The following EFNA5 variants were observed in gnomAD, a reference collection of about 807,000 sequenced individuals.
The protein encoded by EFNA5 is ephrin-A5.
In EFNA5, 5 loss-of-function variants were observed where a neutral mutation model predicts 22.9. That is an observed-to-expected ratio of 0.22 (90% CI 0.11 to 0.46). EFNA5 has a LOEUF of 0.46. Among genes scored for constraint, EFNA5 ranks in the 20% least tolerant of loss-of-function variants. EFNA5 has a pLI of 0.99. For missense variants in EFNA5, 237 were observed against 293.3 expected (o/e 0.81, Z 1.40); for synonymous variants, 113 against 112.2 (o/e 1.01, Z -0.04).
chr5:107,556,941 T>C, intron 1 of EFNA5, among the ~76,000 whole-genome samples: 1 of 152,010 alleles, frequency 6.6e-6, no homozygotes, highest in Non-Finnish European at 1.5e-5. Context: ...TAAATTTTGA[T>C]CTCATTCAGG....
chr5:107,494,126 G>A (rs926656891), intron 1 of EFNA5, among the ~76,000 whole-genome samples: 1 of 152,220 alleles, frequency 6.6e-6, no homozygotes, highest in Admixed American at 6.5e-5. Context: ...TGCCTCCTCT[G>A]CCTGGGCTCC....
intron 2 of EFNA5, among the ~76,000 whole-genome samples, chr5:107,422,327 A>G (rs1748690522): frequency 6.6e-6 from 1 of 152,242 alleles, no homozygotes; most frequent in African/African-American, 2.4e-5. Context: ...GCAATGTAAT[A>G]CAGGGCAGAA....
rs1747569291 is a variant in EFNA5 at position 107,520,372 on chromosome 5, A to G, written c.126-92863T>C. On this transcript the variant is annotated intron_variant, in intron 1 of 4. Coordinates refer to ENST00000333274, the MANE Select transcript of EFNA5 (RefSeq NM_001962.3). ...TAAGAAAGAATTCAAGAAACCAGTT[A>G]CTAAGAAAATAAAAAACTAAAAAGG... Among the ~76,000 whole-genome samples the G allele has an allele frequency of 2.0e-5, 3 of 152,356 alleles. 1 individual carries two copies. The South Asian group carries it at 6.2e-4, about 32-fold the overall frequency.
chr5:107,451,394 C>A lies in EFNA5; in HGVS notation c.126-23885G>T, dbSNP rs532284705. On this transcript the variant is annotated intron_variant, in intron 1 of 4. Coordinates refer to ENST00000333274, the MANE Select transcript of EFNA5 (RefSeq NM_001962.3). ...GCAAGACTGTTCAAGTCATTAACTG[C>A]AAAAATTAGAATAAAAAATTTTTTC... 8.5e-5 allele frequency among the ~76,000 whole-genome samples: 13 copies of A among 152,080 alleles called. No homozygotes were observed. In the South Asian group the frequency reaches 2.3e-3, roughly 27 times the overall value.
intron 1 of EFNA5, among the ~76,000 whole-genome samples, chr5:107,589,930 G>GAA (rs370883998): frequency 5.3e-5 from 8 of 152,234 alleles, no homozygotes; most frequent in Non-Finnish European, 8.8e-5. Context: ...AACCCTGCCA[G>GAA]AAAAAGTGCT....
intron 1 of EFNA5, among the ~76,000 whole-genome samples, chr5:107,499,166 AAG>A (rs1343299176): frequency 6.6e-6 from 1 of 152,240 alleles, no homozygotes; most frequent in African/African-American, 2.4e-5. Context: ...ATGTCAAAAA[AAG>A]AGAAGAAAGA....
chr5:107,456,369 G>C (rs939087697), intron 1 of EFNA5, among the ~76,000 whole-genome samples: 1 of 152,136 alleles, frequency 6.6e-6, no homozygotes, highest in Non-Finnish European at 1.5e-5. Context: ...ATGTTAGGGT[G>C]GTGCAGATCA....
intron 2 of EFNA5, among the ~76,000 whole-genome samples, chr5:107,423,781 A>G (rs539855500): frequency 3.3e-5 from 5 of 152,222 alleles, no homozygotes; most frequent in South Asian, 2.1e-4. Flanking sequence ...ATCAGCAATT[A>G]TAACAACTTA....
intron 1 of EFNA5, among the ~76,000 whole-genome samples, chr5:107,661,819 T>C (rs888564068): frequency 2.6e-4 from 40 of 152,288 alleles, no homozygotes; most frequent in African/African-American, 8.4e-4. Flanking sequence ...ACATCAAGTA[T>C]CATGTCTGTC....
At chr5:107,422,800 G>T (rs1018924346) in intron 2 of EFNA5, among the ~76,000 whole-genome samples, 4 of 152,182 alleles carry the variant, frequency 2.6e-5, no homozygotes, top group Admixed American at 2.6e-4. Context: ...GAGCTCTGAG[G>T]CTGTGAGGCA....
chr5:107,448,546 C>A (rs1195558239), intron 1 of EFNA5, among the ~76,000 whole-genome samples: 4 of 151,978 alleles, frequency 2.6e-5, no homozygotes, highest in African/African-American at 9.7e-5. Context: ...AAATAATCCC[C>A]AGGGCTGGGC....
chr5:107,568,584 CCTT>C (rs1425092310), intron 1 of EFNA5, among the ~76,000 whole-genome samples: 4 of 152,308 alleles, frequency 2.6e-5, no homozygotes, highest in African/African-American at 4.8e-5. Flanking sequence ...CACAATGACT[CCTT>C]CTTCCATTGG....
chr5:107,421,510 G>GTTTTTTCTGAGT, intron 2 of EFNA5, among the ~76,000 whole-genome samples: 1 of 152,154 alleles, frequency 6.6e-6, no homozygotes, highest in Non-Finnish European at 1.5e-5. Flanking sequence ...GGTTTCTGAA[G>GTTTTTTCTGAGT]TTATCTGAGT....
At chr5:107,600,442 C>T (rs181347844) in intron 1 of EFNA5, among the ~76,000 whole-genome samples, 67 of 152,124 alleles carry the variant, frequency 4.4e-4, no homozygotes, top group African/African-American at 1.5e-3. Flanking sequence ...AGCCCAGAGG[C>T]CAGCAATAAA....
chr5:107,518,444 T>C (rs1247859245), intron 1 of EFNA5, among the ~76,000 whole-genome samples: 1 of 152,072 alleles, frequency 6.6e-6, no homozygotes, highest in Non-Finnish European at 1.5e-5. Flanking sequence ...CTGATCATGC[T>C]TAATAGAAGG....
intron 1 of EFNA5, among the ~76,000 whole-genome samples, chr5:107,610,568 A>G (rs1439589666): frequency 6.6e-6 from 1 of 152,148 alleles, no homozygotes; most frequent in Non-Finnish European, 1.5e-5. Context: ...CTTTGATAAA[A>G]CTGTCATGCT....
intron 2 of EFNA5, among the ~76,000 whole-genome samples, chr5:107,409,532 A>T (rs1330898454): frequency 3.3e-5 from 5 of 152,226 alleles, no homozygotes; most frequent in Admixed American, 1.3e-4. Context: ...CTCAATGTTC[A>T]GAACCAACTT....
At chr5:107,634,279 G>C (rs139834154) in intron 1 of EFNA5, among the ~76,000 whole-genome samples, 2 of 152,080 alleles carry the variant, frequency 1.3e-5, no homozygotes, top group Non-Finnish European at 2.9e-5. Flanking sequence ...ACTTTGGAAG[G>C]CCAAGCTGGG....
chr5:107,505,534 G>A (rs1381192358), intron 1 of EFNA5, among the ~76,000 whole-genome samples: 1 of 152,046 alleles, frequency 6.6e-6, no homozygotes, highest in Non-Finnish European at 1.5e-5. Context: ...ATATGAATCT[G>A]GCACATATCA....
Sources: gnomAD v4.1 joint callset for allele counts (sites outside exome capture counted in the v4.1 genomes callset) on GRCh38, gnomAD v4.1.1 for gene constraint, MANE v1.5 for transcripts, NCBI Gene and HGNC (gene_info 2026-07-23, HGNC 2026-07-21) for gene names.